The following NRXN1 variants were observed in gnomAD, a reference collection of about 807,000 sequenced individuals.
NRXN1 encodes neurexin 1.
Under a neutral mutation model 150.9 loss-of-function variants are expected in NRXN1, and 39 were observed. The observed-to-expected ratio is 0.26, with a 90% CI of 0.20 to 0.34. The LOEUF (loss-of-function observed/expected upper bound fraction) is 0.34. Among genes scored for constraint, NRXN1 ranks in the 10% least tolerant of loss-of-function variants. The pLI, the probability that NRXN1 is intolerant of heterozygous loss-of-function variation, is 1.00. For synonymous variants in NRXN1, 924 were observed against 757.0 expected (o/e 1.22, Z -3.62); for missense variants, 1,815 against 1,949.9 (o/e 0.93, Z 1.30).
chr2:50,839,163 C>T (rs728393), intron 5 of NRXN1, among the ~76,000 whole-genome samples: 152,275 of 152,284 alleles, frequency 1, 76,133 homozygotes, highest in Middle Eastern at 1. Context: ...AAAATAAATA[C>T]TGTGACTCTG....
At chr2:50,759,730 ATGGATAGCAG>A (rs1460705922) in intron 5 of NRXN1, among the ~76,000 whole-genome samples, 1 of 151,770 alleles carries the variant, frequency 6.6e-6, no homozygotes, top group Non-Finnish European at 1.5e-5. Flanking sequence ...ATTCCATTTT[ATGGATAGCAG>A]TGGTGAGAAC....
chr2:50,619,056 A>C (rs1679522072), intron 8 of NRXN1: 1 of 152,140 alleles, frequency 6.6e-6, no homozygotes, highest in Non-Finnish European at 1.5e-5. Flanking sequence ...ACAGGGAAGG[A>C]TAATTCAGTA....
chr2:50,971,832 C>T (rs536898865), intron 2 of NRXN1, among the ~76,000 whole-genome samples: 17 of 151,980 alleles, frequency 1.1e-4, no homozygotes, highest in Non-Finnish European at 1.5e-4. Context: ...CACAGATTTA[C>T]GCATTTACAG....
chr2:50,068,753 T>C (rs984992684), intron 19 of NRXN1, among the ~76,000 whole-genome samples: 1 of 152,228 alleles, frequency 6.6e-6, no homozygotes, highest in Non-Finnish European at 1.5e-5. Flanking sequence ...TCTAAGAATG[T>C]GTACATCACA....
chr2:50,702,600 T>G (rs1028418481), intron 5 of NRXN1, among the ~76,000 whole-genome samples: 5 of 152,132 alleles, frequency 3.3e-5, no homozygotes, highest in African/African-American at 1.2e-4. Flanking sequence ...ACTGAAGAAT[T>G]AAAAACAACA....
At chr2:50,568,823 C>G (rs939483032) in intron 8 of NRXN1, among the ~76,000 whole-genome samples, 2 of 152,096 alleles carry the variant, frequency 1.3e-5, no homozygotes, top group African/African-American at 2.4e-5. Context: ...ATCAATATAT[C>G]AAGAATATAT....
intron 17 of NRXN1, among the ~76,000 whole-genome samples, chr2:50,374,163 G>GCA (rs2080315832): frequency 6.6e-6 from 1 of 151,628 alleles, no homozygotes; most frequent in Non-Finnish European, 1.5e-5. Context: ...CGGCTGTAGT[G>GCA]GGGGCACACC....
chr2:49,944,521 T>C (rs886306178), intron 21 of NRXN1, among the ~76,000 whole-genome samples: 2 of 152,162 alleles, frequency 1.3e-5, no homozygotes, highest in East Asian at 1.9e-4. Context: ...AGTTGCTTCA[T>C]TGCGCTTACA....
Position 50,824,874 on chromosome 2 carries a change from A to G in NRXN1, c.832+96995T>C, listed in dbSNP as rs549080550. 3.3e-5 allele frequency among the ~76,000 whole-genome samples: 5 copies of G among 152,302 alleles called. No individual in the cohort carries two copies. In the East Asian group the frequency reaches 9.6e-4, roughly 29 times the overall value. On this transcript the variant is annotated intron_variant, in intron 5 of 22. Transcript: ENST00000401669. ...AACAAGAGGGAATACTTGTTTTAAA[A>G]TTGCATCAAGCTAACTGAAAAAGAA...
At chr2:50,514,744 G>C (rs777227625) in intron 12 of NRXN1, among the ~76,000 whole-genome samples, 1 of 152,140 alleles carries the variant, frequency 6.6e-6, no homozygotes, top group Non-Finnish European at 1.5e-5. Context: ...TAGTGTTCAA[G>C]ACCCTGTAAG....
chr2:49,994,631 C>T (rs1261509339), intron 21 of NRXN1, among the ~76,000 whole-genome samples: 1 of 152,122 alleles, frequency 6.6e-6, no homozygotes, highest in Admixed American at 6.6e-5. Flanking sequence ...AAAAACATCA[C>T]AGCTGAGGGA....
At chr2:50,318,315 C>T (rs947797029) in intron 17 of NRXN1, among the ~76,000 whole-genome samples, 4 of 152,082 alleles carry the variant, frequency 2.6e-5, no homozygotes, top group African/African-American at 4.8e-5. Context: ...TAGATGAGAA[C>T]ACAGAGCAAT....
At chr2:50,542,552 G>A (rs1275154291) in intron 9 of NRXN1, among the ~76,000 whole-genome samples, 3 of 152,240 alleles carry the variant, frequency 2.0e-5, no homozygotes, top group Admixed American at 6.5e-5. Context: ...TTGCTAATTC[G>A]TATGAACTTG....
intron 18 of NRXN1, among the ~76,000 whole-genome samples, chr2:50,162,345 T>C (rs1321238886): frequency 6.6e-6 from 1 of 152,206 alleles, no homozygotes; most frequent in Non-Finnish European, 1.5e-5. Flanking sequence ...ATGGACCTTA[T>C]ATCAAGTCTG....
intron 18 of NRXN1, among the ~76,000 whole-genome samples, chr2:50,222,430 T>C (rs901928414): frequency 1.3e-5 from 2 of 152,048 alleles, no homozygotes; most frequent in Non-Finnish European, 2.9e-5. Flanking sequence ...ACACTCCAGT[T>C]TGTGATATCT....
At chr2:50,579,664 T>A (rs1026087084) in intron 8 of NRXN1, among the ~76,000 whole-genome samples, 9 of 152,040 alleles carry the variant, frequency 5.9e-5, no homozygotes, top group Non-Finnish European at 7.4e-5. Flanking sequence ...AATAAAAAAA[T>A]ATATATATTT....
chr2:50,563,487 A>T (rs114372487), intron 8 of NRXN1, among the ~76,000 whole-genome samples: 1,934 of 152,314 alleles, frequency 0.013, 36 homozygotes, highest in African/African-American at 0.044. Flanking sequence ...ATAAAATACC[A>T]GGAGTAGGTG....
At chr2:50,496,212 T>C in intron 14 of NRXN1, 117 bp from the exon 15 acceptor site, 1 of 676,224 alleles carries the variant, frequency 1.5e-6, no homozygotes, top group Non-Finnish European at 2.5e-6. Context: ...CTAGAAGTCA[T>C]GACAATAAGT....
intron 17 of NRXN1, among the ~76,000 whole-genome samples, chr2:50,350,423 G>T (rs1268207072): frequency 6.6e-6 from 1 of 152,174 alleles, no homozygotes; most frequent in Admixed American, 6.5e-5. Flanking sequence ...TAGCGCACTT[G>T]TTTACAGTGT....
Sources: allele counts gnomAD v4.1 joint callset (sites outside exome capture counted in the v4.1 genomes callset), GRCh38; gene constraint gnomAD v4.1.1; transcripts MANE v1.5; gene names NCBI Gene and HGNC (gene_info 2026-07-23, HGNC 2026-07-21).